The following PTPRD variants were observed in gnomAD, a reference collection of about 807,000 sequenced individuals.
The protein encoded by PTPRD is receptor-type tyrosine-protein phosphatase delta.
Under a neutral mutation model 214.5 loss-of-function variants are expected in PTPRD, and 34 were observed. The observed-to-expected ratio is 0.16, with a 90% confidence interval of 0.12 to 0.21. The LOEUF (loss-of-function observed/expected upper bound fraction) is 0.21, where lower values mean the gene tolerates loss of function less well. Among genes scored for constraint, PTPRD ranks in the 10% least tolerant of loss-of-function variants. PTPRD has a pLI of 1.00. For synonymous variants in PTPRD, 1,128 were observed against 845.7 expected, an observed-to-expected ratio of 1.33 and a Z score of -5.79; for missense variants, 2,545 against 2,398.7, an observed-to-expected ratio of 1.06 and a Z score of -1.27.
chr9:10,081,468 C>A (rs1415963148), intron 3 of PTPRD, among the ~76,000 whole-genome samples: 2 of 151,896 alleles, frequency 1.3e-5, no homozygotes, highest in Non-Finnish European at 2.9e-5. Context: ...AAGGTGGAGC[C>A]CACGTAACTG....
At chr9:10,090,584 G>A (rs1302872076) in intron 3 of PTPRD, among the ~76,000 whole-genome samples, 1 of 148,326 alleles carries the variant, frequency 6.7e-6, no homozygotes, top group Non-Finnish European at 1.5e-5. Flanking sequence ...TTATGGTAAA[G>A]GGCAAAATAC....
chr9:9,983,878 A>T (rs2095622991), intron 4 of PTPRD, among the ~76,000 whole-genome samples: 1 of 152,130 alleles, frequency 6.6e-6, no homozygotes, highest in South Asian at 2.1e-4. Flanking sequence ...CAGTTCACCG[A>T]TTTATTCATT....
intron 11 of PTPRD, among the ~76,000 whole-genome samples, chr9:8,988,873 A>G (rs1219186428): frequency 6.6e-6 from 1 of 152,142 alleles, no homozygotes; most frequent in Non-Finnish European, 1.5e-5. Flanking sequence ...AAGTAATGTC[A>G]GTCCTTAGAG....
At chr9:9,742,481 C>CT (rs1564911513) in intron 6 of PTPRD, among the ~76,000 whole-genome samples, 1 of 152,010 alleles carries the variant, frequency 6.6e-6, no homozygotes, top group Admixed American at 6.5e-5. Flanking sequence ...GTATGATTTT[C>CT]TTTTTTGTAA....
At chr9:8,719,330 G>C (rs1364799967) in intron 12 of PTPRD, among the ~76,000 whole-genome samples, 1 of 152,184 alleles carries the variant, frequency 6.6e-6, no homozygotes, top group Non-Finnish European at 1.5e-5. Context: ...AGCGCCATTA[G>C]ACATCTATGT....
At chr9:9,223,258 G>T (rs2099957351) in intron 9 of PTPRD, among the ~76,000 whole-genome samples, 2 of 151,896 alleles carry the variant, frequency 1.3e-5, no homozygotes, top group South Asian at 4.1e-4. Context: ...TGAGGGGATT[G>T]TACAGCATAA....
intron 2 of PTPRD, among the ~76,000 whole-genome samples, chr9:10,440,723 T>C (rs1440386746): frequency 1.3e-5 from 2 of 151,692 alleles, no homozygotes; most frequent in African/African-American, 4.8e-5. Context: ...TAATAGCCAA[T>C]TGTAATAGAG....
chr9:8,565,646 G>A (rs1471049065), intron 14 of PTPRD, among the ~76,000 whole-genome samples: 1 of 152,038 alleles, frequency 6.6e-6, no homozygotes, highest in Non-Finnish European at 1.5e-5. Flanking sequence ...ATCTAAAATG[G>A]ACATCAAGAG....
intron 4 of PTPRD, among the ~76,000 whole-genome samples, chr9:9,940,225 G>A (rs2091032181): frequency 6.6e-6 from 1 of 152,088 alleles, no homozygotes; most frequent in Non-Finnish European, 1.5e-5. Flanking sequence ...CTTGGTTTGG[G>A]AGTCACAGGT....
At chr9:9,263,887 C>A (rs965670494) in intron 9 of PTPRD, among the ~76,000 whole-genome samples, 2 of 151,458 alleles carry the variant, frequency 1.3e-5, no homozygotes, top group Non-Finnish European at 1.5e-5. Context: ...ACCCATGTAA[C>A]AAACCTGCAT....
intron 3 of PTPRD, among the ~76,000 whole-genome samples, chr9:10,212,393 T>C (rs1032930124): frequency 6.6e-6 from 1 of 152,142 alleles, no homozygotes; most frequent in East Asian, 1.9e-4. Context: ...AAAAGAATGC[T>C]GTTAGACCAA....
chr9:9,531,955 TTATA>T (rs926725186), intron 8 of PTPRD, among the ~76,000 whole-genome samples: 111 of 151,854 alleles, frequency 7.3e-4, no homozygotes, highest in African/African-American at 2.2e-3. Context: ...CACACATATA[TTATA>T]TATATATTTA....
chr9:8,703,816 T>C (rs2098141522), intron 12 of PTPRD, among the ~76,000 whole-genome samples: 1 of 152,184 alleles, frequency 6.6e-6, no homozygotes, highest in South Asian at 2.1e-4. Flanking sequence ...AATTGCTTAT[T>C]TGGCATCTCC....
At chr9:10,283,554 A>T (rs369175052) in intron 3 of PTPRD, among the ~76,000 whole-genome samples, 1 of 152,234 alleles carries the variant, frequency 6.6e-6, no homozygotes, top group East Asian at 1.9e-4. Flanking sequence ...GGTCTTGTGC[A>T]TTTCTTCTGC....
intron 3 of PTPRD, among the ~76,000 whole-genome samples, chr9:10,210,405 C>T (rs1164107198): frequency 6.6e-6 from 1 of 151,894 alleles, no homozygotes; most frequent in African/African-American, 2.4e-5. Flanking sequence ...GAAACAATTA[C>T]CAATTATCCA....
intron 9 of PTPRD, among the ~76,000 whole-genome samples, chr9:9,281,486 T>C (rs538796539): frequency 2.6e-5 from 4 of 151,458 alleles, no homozygotes; most frequent in South Asian, 2.1e-4. Context: ...CTAATAGATA[T>C]ATGAAAAATC....
At chr9:9,920,002 T>A (rs1025630338) in intron 5 of PTPRD, among the ~76,000 whole-genome samples, 2 of 152,176 alleles carry the variant, frequency 1.3e-5, no homozygotes, top group African/African-American at 4.8e-5. Context: ...TTTTTCATCA[T>A]AATCAAAGAT....
intron 10 of PTPRD, among the ~76,000 whole-genome samples, chr9:9,137,862 T>A (rs1412797275): frequency 6.6e-6 from 1 of 152,148 alleles, no homozygotes; most frequent in Non-Finnish European, 1.5e-5. Context: ...CCAGACCCAA[T>A]TCAGGTCTAA....
At chr9:9,833,608 G>A (rs185461829) in intron 5 of PTPRD, among the ~76,000 whole-genome samples, 3 of 101,082 alleles carry the variant, frequency 3.0e-5, no homozygotes, top group South Asian at 3.3e-4. Flanking sequence ...CCTAATAAGC[G>A]TGGGAGTGCT....
Sources: allele counts gnomAD v4.1 joint callset (sites outside exome capture counted in the v4.1 genomes callset), GRCh38; gene constraint gnomAD v4.1.1; transcripts MANE v1.5; gene names NCBI Gene and HGNC (gene_info 2026-07-23, HGNC 2026-07-21).